The following COL11A1 variants were observed in gnomAD, a reference collection of about 807,000 sequenced individuals.
The protein encoded by COL11A1 is collagen type XI alpha 1 chain, also known as collagen alpha-1(XI) chain.
In COL11A1, 74 loss-of-function variants were observed where a neutral mutation model predicts 265.2. That is an observed-to-expected ratio of 0.28 (90% confidence interval 0.23 to 0.34). The LOEUF (loss-of-function observed/expected upper bound fraction) is 0.34, where lower values mean the gene tolerates loss of function less well. Among genes scored for constraint, COL11A1 ranks in the 10% least tolerant of loss-of-function variants. The pLI is 1.00. For synonymous variants in COL11A1, 816 were observed against 727.6 expected, an observed-to-expected ratio of 1.12 and a Z score of -1.96; for missense variants, 2,165 against 2,263.6, an observed-to-expected ratio of 0.96 and a Z score of 0.88.
chr1:103,094,101 G>A (rs1367568326), intron 1 of COL11A1, among the ~76,000 whole-genome samples: 1 of 151,978 alleles, frequency 6.6e-6, no homozygotes, highest in Non-Finnish European at 1.5e-5. Flanking sequence ...AGCCAATAAA[G>A]GAAATCAGGA....
At chr1:103,058,512 C>G (rs531770884) in intron 4 of COL11A1, among the ~76,000 whole-genome samples, 1 of 152,316 alleles carries the variant, frequency 6.6e-6, no homozygotes, top group East Asian at 1.9e-4. Flanking sequence ...TGGCTTATCT[C>G]AGCTTTCAAC....
chr1:102,894,302 G>T (rs754617188), intron 57 of COL11A1, among the ~76,000 whole-genome samples: 1 of 152,156 alleles, frequency 6.6e-6, no homozygotes, highest in East Asian at 1.9e-4. Context: ...GGGAGACAGA[G>T]GTGGATGGAT....
chr1:102,887,016 G>C lies in COL11A1; in HGVS notation c.4649C>G (p.Ser1550Cys). The change falls in exon 63 of 67, where the codon TCC (serine) becomes TGC (cysteine). Residue 1550 changes from serine (S) to cysteine (C), a missense_variant. By Grantham distance (112) the Ser-to-Cys change is moderately radical (BLOSUM62 -1). Transcript: ENST00000370096. ...AGTATGTCTTCTCGTTTTTTTGGAG[G>C]ACAAGATTGGTAAAGGCTGAATGAC... ...GEVIQPLPIL[S>C]SKKTRRHTEG... 1 of 1,613,806 alleles carries C rather than the reference G, an allele frequency of 6.2e-7. No homozygotes were observed.
At chr1:103,048,052 G>T (rs1394197332) in intron 4 of COL11A1, among the ~76,000 whole-genome samples, 1 of 152,276 alleles carries the variant, frequency 6.6e-6, no homozygotes, top group Non-Finnish European at 1.5e-5. Flanking sequence ...AAGGATATTG[G>T]TCTAAAATTC....
At chr1:103,104,148 A>G (rs1411541996) in intron 1 of COL11A1, among the ~76,000 whole-genome samples, 2 of 152,038 alleles carry the variant, frequency 1.3e-5, no homozygotes, top group Admixed American at 1.3e-4. Context: ...CCTTTTTTTA[A>G]CCTTTTAAAA....
Position 102,878,111 on chromosome 1 carries a change from G to C in COL11A1, c.5329C>G (p.Gln1777Glu), listed in dbSNP as rs762806617. 2 of 1,613,220 alleles carry C rather than the reference G, an allele frequency of 1.2e-6. No homozygotes were observed. The highest frequency in any genetic ancestry group is 1.7e-6 in the Non-Finnish European group (2 of 1,179,432). ...VIEINTPKID[Q>E]VPIVDVMIND... is the part of the protein sequence containing the mutation. ...ATCATGACATCAACAATAGGTACTTGATCAATTTTTGGTGTATTGATTTCA... is the reference window on the plus strand; with the variant it reads ...ATCATGACATCAACAATAGGTACTTCATCAATTTTTGGTGTATTGATTTCA... Residue 1777 changes from glutamine to glutamate, a missense_variant, in exon 67 of 67, where the codon CAA (glutamine) becomes GAA (glutamate). Gln to Glu is a conservative substitution (Grantham distance 29). Transcript: ENST00000370096.
At chr1:102,886,036 G>A (rs1650929760) in intron 63 of COL11A1, among the ~76,000 whole-genome samples, 1 of 152,022 alleles carries the variant, frequency 6.6e-6, no homozygotes, top group Admixed American at 6.6e-5. Flanking sequence ...TTATATGATT[G>A]GTAGTGCAAA....
intron 41 of COL11A1, among the ~76,000 whole-genome samples, chr1:102,950,728 T>A (rs1659796096): frequency 6.6e-6 from 1 of 152,216 alleles, no homozygotes; most frequent in Non-Finnish European, 1.5e-5. Flanking sequence ...GCCTCTTTTT[T>A]TTGACCCAGG....
chr1:102,979,517 T>C (rs1662833063), intron 31 of COL11A1, 82 bp from the exon 32 acceptor site: 2 of 906,190 alleles, frequency 2.2e-6, no homozygotes, highest in South Asian at 2.7e-5. Context: ...TGGAACAGAG[T>C]GATTTTCACA....
chr1:103,085,197 T>C (rs1399454166), intron 1 of COL11A1, among the ~76,000 whole-genome samples: 1 of 152,240 alleles, frequency 6.6e-6, no homozygotes, highest in Admixed American at 6.5e-5. Context: ...TGGATAATTA[T>C]GGTAGAGTTT....
intron 1 of COL11A1, among the ~76,000 whole-genome samples, chr1:103,099,060 T>G (rs1329275359): frequency 1.3e-5 from 2 of 151,788 alleles, no homozygotes; most frequent in Non-Finnish European, 2.9e-5. Flanking sequence ...CGCCCTCACT[T>G]CATTCAGCAA....
chr1:102,947,378 CT>C (rs1659407826), intron 41 of COL11A1, among the ~76,000 whole-genome samples: 1 of 151,800 alleles, frequency 6.6e-6, no homozygotes. Context: ...AATTTCTAGG[CT>C]TTTTTTCAAA....
chr1:103,067,020 C>T (rs149103479), intron 4 of COL11A1, among the ~76,000 whole-genome samples: 209 of 151,778 alleles, frequency 1.4e-3, no homozygotes, highest in African/African-American at 4.2e-3. Flanking sequence ...GAATGCAATA[C>T]ATGCCGCAAA....
chr1:102,922,457 C>T (rs1195010859), intron 47 of COL11A1, among the ~76,000 whole-genome samples: 1 of 152,090 alleles, frequency 6.6e-6, no homozygotes, highest in Non-Finnish European at 1.5e-5. Flanking sequence ...AGTGCAGTGG[C>T]GCGATCTCGG....
At chr1:102,927,421 A>T (rs1383761507) in intron 46 of COL11A1, among the ~76,000 whole-genome samples, 1 of 152,196 alleles carries the variant, frequency 6.6e-6, no homozygotes, top group East Asian at 1.9e-4. Flanking sequence ...AGGTAAAAAA[A>T]CAAGCCAGAA....
chr1:103,002,457 G>T lies in COL11A1; in HGVS notation c.2068C>A (p.Pro690Thr). ...NMGPQGEPGP[P>T]GQQGNPGPQG... ...GGTCCTGGATTCCCTTGTTGACCTG[G>T]AGGCCCAGGCTCCCCTTGGGGACCC... Residue 690 changes from proline (P) to threonine (T), a missense_variant, in exon 23 of 67, where the codon CCA becomes ACA. Physicochemically the swap from Pro to Thr is conservative, Grantham distance 38. Coordinates refer to ENST00000370096, the MANE Select transcript of COL11A1 (RefSeq NM_001854.4). The T allele has an allele frequency of 6.2e-7, 1 of 1,610,154 alleles. No individual in the cohort carries two copies. The highest frequency in any genetic ancestry group is 8.5e-7 in the Non-Finnish European group (1 of 1,178,378).
rs1450665292 is a variant in COL11A1 at position 102,878,077 on chromosome 1, A to G, written c.5363T>C (p.Phe1788Ser). ...TCCGAACTTCTGATTCTGATCACCA[A>G]AGTCATTGATCATGACATCAACAAT... ...VPIVDVMIND[F>S]GDQNQKFGFE... is the part of the protein sequence containing the mutation. Residue 1788 changes from phenylalanine to serine, a missense_variant, in exon 67 of 67, where the codon TTT becomes TCT. Coordinates refer to ENST00000370096, the MANE Select transcript of COL11A1 (RefSeq NM_001854.4). 2 of 1,613,652 alleles carry G rather than the reference A, an allele frequency of 1.2e-6. No individual in the cohort carries two copies. Among genetic ancestry groups the G allele is most frequent in the Non-Finnish European group, 1.7e-6 (2 of 1,179,694 alleles).
intron 14 of COL11A1, among the ~76,000 whole-genome samples, chr1:103,012,159 A>G (rs1448356194): frequency 1.3e-5 from 2 of 152,208 alleles, no homozygotes; most frequent in Non-Finnish European, 2.9e-5. Flanking sequence ...ATAGTTTAAG[A>G]AATTAATAGT....
At chr1:103,071,860 T>C (rs1016499247) in intron 4 of COL11A1, among the ~76,000 whole-genome samples, 2 of 51,564 alleles carry the variant, frequency 3.9e-5, no homozygotes, top group African/African-American at 1.3e-4. Context: ...TTATATTACA[T>C]ATGTGTTTGT....
Sources: allele counts gnomAD v4.1 joint callset (sites outside exome capture counted in the v4.1 genomes callset), GRCh38; gene constraint gnomAD v4.1.1; transcripts MANE v1.5; gene names NCBI Gene and HGNC (gene_info 2026-07-23, HGNC 2026-07-21).